Variants in LRRC1 observed in about 807,000 individuals in gnomAD.
LRRC1 encodes leucine rich repeat containing 1, also known as leucine-rich repeat-containing protein 1.
In LRRC1, 28 loss-of-function variants were observed where a neutral mutation model predicts 69.9. The observed-to-expected ratio is 0.40, with a 90% CI of 0.30 to 0.55. LRRC1 has a LOEUF of 0.55. Among genes scored for constraint, LRRC1 ranks in the 20% least tolerant of loss-of-function variants. The pLI is 0.47. For missense variants in LRRC1, 498 were observed against 609.0 expected (o/e 0.82, Z 1.92); for synonymous variants, 236 against 240.2 (o/e 0.98, Z 0.16).
chr6:53,795,414 A>G lies in LRRC1; in HGVS notation c.158A>G (p.Glu53Gly), dbSNP rs1764263679. The G allele has an allele frequency of 6.2e-7, 1 of 1,610,578 alleles. No homozygotes were observed. Among genetic ancestry groups the G allele is most frequent in the Non-Finnish European group, 8.5e-7 (1 of 1,179,514 alleles). The change falls in exon 1 of 14, where the codon GAG becomes GGG. Residue 53 changes from glutamate (E) to glycine (G), a missense_variant and splice_region_variant. Transcript: ENST00000370888. Reference sequence around the variant, plus strand: ...GCCAACCAGCTCCGCGAGCTGCCCGAGGTAAGGGTCCGGCCTCACCTGAGC... The same window carrying G: ...GCCAACCAGCTCCGCGAGCTGCCCGGGGTAAGGGTCCGGCCTCACCTGAGC... Reference protein sequence around the residue: ...LDANQLRELPEQFFQLVKLRK... With the variant: ...LDANQLRELPGQFFQLVKLRK...
intron 10 of LRRC1, among the ~76,000 whole-genome samples, chr6:53,907,010 G>C (rs925302003): frequency 1.3e-4 from 20 of 152,286 alleles, no homozygotes; most frequent in African/African-American, 4.8e-4. Flanking sequence ...TGACCATCAG[G>C]GCTGAGCAGC....
intron 4 of LRRC1, among the ~76,000 whole-genome samples, chr6:53,887,625 G>A (rs182258003): frequency 1.3e-5 from 2 of 152,184 alleles, no homozygotes; most frequent in Admixed American, 1.3e-4. Flanking sequence ...GGGTGGTAGA[G>A]CTGGCATTTG....
At chr6:53,884,001 T>A (rs531277981) in intron 4 of LRRC1, 2 of 717,990 alleles carry the variant, frequency 2.8e-6, no homozygotes, top group Non-Finnish European at 5.2e-6. Context: ...GGTGTTTTTC[T>A]GAAATGTACA....
chr6:53,872,064 T>C (rs533958278), intron 2 of LRRC1, among the ~76,000 whole-genome samples: 2 of 152,224 alleles, frequency 1.3e-5, no homozygotes, highest in African/African-American at 4.8e-5. Flanking sequence ...TTTCCTTTGG[T>C]AGTTGTATAG....
intron 2 of LRRC1, among the ~76,000 whole-genome samples, chr6:53,866,663 A>G (rs9367544): frequency 0.83 from 126,055 of 152,098 alleles, 52,536 homozygotes; most frequent in East Asian, 0.96. Context: ...TTGCCTTTTT[A>G]TTAGTGCTAC....
chr6:53,880,039 T>G (rs1026459683), intron 3 of LRRC1, among the ~76,000 whole-genome samples: 1 of 152,200 alleles, frequency 6.6e-6, no homozygotes, highest in African/African-American at 2.4e-5. Context: ...CTTTTCTGTC[T>G]TTTTTCTTTT....
intron 1 of LRRC1, among the ~76,000 whole-genome samples, chr6:53,817,688 A>G (rs767080076): frequency 6.6e-6 from 1 of 152,150 alleles, no homozygotes; most frequent in Non-Finnish European, 1.5e-5. Context: ...TATGAACTGA[A>G]TTGTTTTAGG....
intron 2 of LRRC1, among the ~76,000 whole-genome samples, chr6:53,876,338 G>T (rs1180217704): frequency 6.6e-6 from 1 of 152,154 alleles, no homozygotes; most frequent in Non-Finnish European, 1.5e-5. Context: ...GGGAATTCAA[G>T]ATGAGATTTG....
In LRRC1 at chr6:53,812,461, C is replaced by T. The variant is rs185398801; in HGVS notation, c.159+17046C>T. Among the ~76,000 whole-genome samples, 306 of 151,698 alleles carry T rather than the reference C, an allele frequency of 2.0e-3. 4 individuals carry two copies. In the East Asian group the frequency reaches 0.041, roughly 20 times the overall value. On this transcript the variant is annotated intron_variant, in intron 1 of 13. Coordinates refer to ENST00000370888, the MANE Select transcript of LRRC1 (RefSeq NM_018214.5). The stretch of plus-strand genomic sequence containing the variant: ...ATCCCAGCACTTTGGGAGGCCGAGG[C>T]GGGCGGATCACGAGGTCAGGAGATC...
At chr6:53,905,328 T>C in intron 10 of LRRC1, 2 of 112,802 alleles carry the variant, frequency 1.8e-5, no homozygotes, top group Admixed American at 1.0e-4. Flanking sequence ...AGCGAGACTC[T>C]ATCTCAAAAA....
In LRRC1 at chr6:53,834,702, A is replaced by G. The variant is rs370163091; in HGVS notation, c.160-7408A>G. ...TGGTTATAGAGATTCAGTTAAATAA[A>G]AGTATCTGTGCCTATAATACCAGCA... On this transcript the variant is annotated intron_variant, in intron 1 of 13. Coordinates refer to ENST00000370888, the MANE Select transcript of LRRC1 (RefSeq NM_018214.5). Among the ~76,000 whole-genome samples, 227 of 152,340 alleles carry G rather than the reference A, an allele frequency of 1.5e-3. 1 individual carries two copies. The highest frequency in any genetic ancestry group is 5.1e-3 in the African/African-American group (214 of 41,578).
At chr6:53,862,533 A>G (rs2127423804) in intron 2 of LRRC1, among the ~76,000 whole-genome samples, 1 of 152,302 alleles carries the variant, frequency 6.6e-6, no homozygotes, top group East Asian at 1.9e-4. Context: ...AAGCTGAGGT[A>G]TAAGGGTTAT....
chr6:53,913,347 CCT>C (rs1376323086), intron 10 of LRRC1, among the ~76,000 whole-genome samples: 1 of 151,372 alleles, frequency 6.6e-6, no homozygotes, highest in Non-Finnish European at 1.5e-5. Context: ...GTAAGATACC[CCT>C]CTTTTTGAAA....
chr6:53,873,120 A>G (rs774101485), intron 2 of LRRC1, among the ~76,000 whole-genome samples: 5 of 151,276 alleles, frequency 3.3e-5, no homozygotes, highest in Non-Finnish European at 5.9e-5. Flanking sequence ...ATCCTCTTCA[A>G]TTTTTTTCAT....
At chr6:53,853,530 C>T (rs1034331996) in intron 2 of LRRC1, among the ~76,000 whole-genome samples, 1 of 152,230 alleles carries the variant, frequency 6.6e-6, no homozygotes, top group South Asian at 2.1e-4. Context: ...GGTTATCCAC[C>T]TGCCTTGGCC....
chr6:53,849,975 CT>C (rs924731645), intron 2 of LRRC1, among the ~76,000 whole-genome samples: 2 of 151,672 alleles, frequency 1.3e-5, no homozygotes, highest in Admixed American at 6.6e-5. Flanking sequence ...AAAAATGATT[CT>C]GTATTCTTTT....
intron 1 of LRRC1, among the ~76,000 whole-genome samples, chr6:53,840,083 C>T (rs939423940): frequency 2.0e-5 from 3 of 152,128 alleles, no homozygotes; most frequent in Non-Finnish European, 4.4e-5. Flanking sequence ...TTGCCTTTCT[C>T]TGTTTTGTTG....
At chr6:53,902,794 T>G (rs761312165) in intron 9 of LRRC1, 47 bp downstream of exon 9, 17 of 1,201,050 alleles carry the variant, frequency 1.4e-5, no homozygotes, top group Non-Finnish European at 1.8e-5. Context: ...TAGGGTAGAT[T>G]CTACTTAATT....
At chr6:53,795,536 G>A (rs1764271138) in intron 1 of LRRC1, 121 bp downstream of exon 1, 3 of 879,434 alleles carry the variant, frequency 3.4e-6, no homozygotes, top group Non-Finnish European at 5.1e-6. Flanking sequence ...CCTCTTTTAT[G>A]CATTCACCTG....
Sources: allele counts gnomAD v4.1 joint callset (sites outside exome capture counted in the v4.1 genomes callset), GRCh38; gene constraint gnomAD v4.1.1; transcripts MANE v1.5; gene names NCBI Gene and HGNC (gene_info 2026-07-23, HGNC 2026-07-21).